The following LDHB variants were observed in gnomAD, a reference collection of about 807,000 sequenced individuals.
LDHB encodes the protein lactate dehydrogenase B, also known as L-lactate dehydrogenase B chain.
Under a neutral mutation model 33.4 loss-of-function variants are expected in LDHB, and 18 were observed. The observed-to-expected ratio is 0.54, with a 90% CI of 0.37 to 0.80. The LOEUF (loss-of-function observed/expected upper bound fraction) is 0.80, where lower values mean the gene tolerates loss of function less well. Ranked by LOEUF, LDHB falls within the 30% of genes least tolerant of loss-of-function variation. The probability of loss-of-function intolerance (pLI) is 0.00; values close to 1 mark genes in which losing one functional copy is unlikely to be tolerated. For missense variants in LDHB, 345 were observed against 407.9 expected (o/e 0.85, Z 1.33); for synonymous variants, 121 against 140.6 (o/e 0.86, Z 0.98).
At chr12:21,641,874 TA>T in intron 5 of LDHB, 77 bp downstream of exon 5, 3 of 1,269,952 alleles carry the variant, frequency 2.4e-6, no homozygotes, top group African/African-American at 1.5e-5. Flanking sequence ...TCTATAAAAA[TA>T]AAATTTGAAA....
At chr12:21,643,669 T>C (rs1258852529) in intron 4 of LDHB, 3 of 438,390 alleles carry the variant, frequency 6.8e-6, no homozygotes, top group African/African-American at 5.9e-5. Context: ...TAAAAAAGTT[T>C]TAAAAGCCTT....
At chr12:21,637,014 C>A in intron 7 of LDHB, 57 bp downstream of exon 7, 1 of 1,406,882 alleles carries the variant, frequency 7.1e-7, no homozygotes, top group Non-Finnish European at 1.0e-6. Context: ...TTAAATGAAT[C>A]TTTTTGTAGA....
At chr12:21,638,855 T>G (rs892316846) in intron 5 of LDHB, among the ~76,000 whole-genome samples, 1 of 151,934 alleles carries the variant, frequency 6.6e-6, no homozygotes, top group Non-Finnish European at 1.5e-5. Flanking sequence ...TATATGCTCC[T>G]TTATTCTACA....
intron 5 of LDHB, among the ~76,000 whole-genome samples, chr12:21,639,239 G>C (rs554950596): frequency 1.3e-5 from 2 of 151,884 alleles, no homozygotes; most frequent in South Asian, 2.1e-4. Flanking sequence ...ATCATGTCTA[G>C]TGAGCATGGT....
chr12:21,643,823 T>C, intron 4 of LDHB, 112 bp downstream of exon 4: 1 of 850,954 alleles, frequency 1.2e-6, no homozygotes, highest in Non-Finnish European at 2.0e-6. Flanking sequence ...AGAAGACATG[T>C]AAACTGCTTC....
intron 4 of LDHB, 66 bp downstream of exon 4, chr12:21,643,869 C>G: frequency 7.9e-7 from 1 of 1,271,374 alleles, no homozygotes; most frequent in East Asian, 2.3e-5. Context: ...TAGTCCAAAA[C>G]AATAACAACA....
intron 2 of LDHB, among the ~76,000 whole-genome samples, chr12:21,650,599 C>CGACATT (rs1441896905): frequency 6.6e-6 from 1 of 152,054 alleles, no homozygotes; most frequent in Non-Finnish European, 1.5e-5. Context: ...ATGATGAGTT[C>CGACATT]GACATTCAGA....
At chr12:21,651,536 G>A (rs1072993) in intron 2 of LDHB, among the ~76,000 whole-genome samples, 143,865 of 152,238 alleles carry the variant, frequency 0.95, 68,486 homozygotes, top group East Asian at 1. Context: ...CTGGGGGCAA[G>A]GTACACCATC....
chr12:21,647,041 G>T, intron 2 of LDHB, 25 bp from the exon 3 acceptor site: 1 of 1,453,974 alleles, frequency 6.9e-7, no homozygotes, highest in Non-Finnish European at 9.7e-7. Context: ...ACAGGCATTA[G>T]AACCCTAAGC....
chr12:21,642,096 G>C lies in LDHB; in HGVS notation c.451C>G (p.Leu151Val). Residue 151 changes from leucine (L) to valine (V), a missense_variant, in exon 5 of 8, where the codon CTA (leucine) becomes GTA (valine). By Grantham distance (32) the Leu-to-Val change is conservative (BLOSUM62 1). Coordinates refer to ENST00000350669, the MANE Select transcript of LDHB (RefSeq NM_002300.8). ...ACGCGGTGTTTGGGTAATCCACTTA[G>C]TTTCCAGGTAACATACGTAAGAATG... ...VDILTYVTWK[L>V]SGLPKHRVIG... The C allele has an allele frequency of 6.2e-7, 1 of 1,613,210 alleles. No individual in the cohort carries two copies. The highest frequency in any genetic ancestry group is 8.5e-7 in the Non-Finnish European group (1 of 1,179,478).
chr12:21,654,682 A>G lies in LDHB; in HGVS notation c.-6-5T>C. On this transcript the variant is annotated splice_region_variant and splice_polypyrimidine_tract_variant and intron_variant, in intron 1 of 7. Transcript: ENST00000350669. ...CTTAAGAGTTGCCATTTTGCACTGC[A>G]AGGAAAGAATCAAAACATTACACGT... 1 of 1,610,920 alleles carries G rather than the reference A, an allele frequency of 6.2e-7. No homozygotes were observed. The highest frequency in any genetic ancestry group is 8.5e-7 in the Non-Finnish European group (1 of 1,177,056).
At chr12:21,637,744 A>G (rs773024468) in intron 6 of LDHB, among the ~76,000 whole-genome samples, 6 of 152,060 alleles carry the variant, frequency 3.9e-5, no homozygotes, top group Non-Finnish European at 5.9e-5. Flanking sequence ...ATTTAATGCA[A>G]TTGACACCCA....
At chr12:21,656,246 C>G (rs1267842763) in intron 1 of LDHB, among the ~76,000 whole-genome samples, 1 of 152,158 alleles carries the variant, frequency 6.6e-6, no homozygotes. Flanking sequence ...AAAATATTTC[C>G]TCCCATCTGT....
At chr12:21,639,806 T>C (rs1208978514) in intron 5 of LDHB, among the ~76,000 whole-genome samples, 1 of 151,978 alleles carries the variant, frequency 6.6e-6, no homozygotes, top group Non-Finnish European at 1.5e-5. Flanking sequence ...CATAGGACCA[T>C]TACAATTAAC....
chr12:21,643,697 C>A, intron 4 of LDHB: 1 of 513,156 alleles, frequency 1.9e-6, no homozygotes, highest in Non-Finnish European at 3.4e-6. Flanking sequence ...TATAACCAAG[C>A]CAGATGAAGC....
chr12:21,641,986 A>G lies in LDHB; in HGVS notation c.561T>C (p.His187=). 1 of 1,613,424 alleles carries G rather than the reference A, an allele frequency of 6.2e-7. No homozygotes were observed. The highest frequency in any genetic ancestry group is 8.5e-7 in the Non-Finnish European group (1 of 1,179,672). Residue 187 remains histidine, a synonymous_variant, in exon 5 of 8, where the codon CAT becomes CAC. Coordinates refer to ENST00000350669, the MANE Select transcript of LDHB (RefSeq NM_002300.8). ...CGCCATGTTCCCCCAAAATCCATCC[A>G]TGGCAGCTGCTGGGATGAATGCCAA... ...EKLGIHPSSC[H]GWILGEHGDS...
rs115396371 is a variant in LDHB at position 21,654,830 on chromosome 12, C to A, written c.-6-153G>T. Among the ~76,000 whole-genome samples the A allele has an allele frequency of 6.7e-3, 1,025 of 152,228 alleles. 9 individuals are homozygous for A. The highest frequency in any genetic ancestry group is 0.023 in the African/African-American group (967 of 41,558). On this transcript the variant is annotated intron_variant, in intron 1 of 7. Transcript: ENST00000350669. ...AGAAAGCAGAATATATTTTAAAGAA[C>A]CATGAGACCCGGCTGGGCATGGTGG...
intron 6 of LDHB, 80 bp from the exon 7 acceptor site, chr12:21,637,274 G>T (rs1480572156): frequency 2.8e-6 from 3 of 1,067,232 alleles, no homozygotes; most frequent in Non-Finnish European, 1.4e-6. Flanking sequence ...CTACTGCTCT[G>T]TCTCTAACTA....
At chr12:21,640,789 TG>T (rs1478060774) in intron 5 of LDHB, among the ~76,000 whole-genome samples, 1 of 151,844 alleles carries the variant, frequency 6.6e-6, no homozygotes, top group African/African-American at 2.4e-5. Flanking sequence ...AAAATGAGGC[TG>T]GTGCAATTTA....
Sources: allele counts gnomAD v4.1 joint callset (sites outside exome capture counted in the v4.1 genomes callset), GRCh38; gene constraint gnomAD v4.1.1; transcripts MANE v1.5; gene names NCBI Gene and HGNC (gene_info 2026-07-23, HGNC 2026-07-21).